PTPRK: variants seen among roughly 807,000 people sequenced by gnomAD.
PTPRK encodes the protein receptor-type tyrosine-protein phosphatase kappa.
In PTPRK, 75 loss-of-function variants were observed where a neutral mutation model predicts 178.0. The observed-to-expected ratio is 0.42, with a 90% CI of 0.35 to 0.51. The LOEUF is 0.51. PTPRK is among the 20% of genes least tolerant of loss of function. The pLI is 0.02. For missense variants in PTPRK, 1,441 were observed against 1,797.8 expected (o/e 0.80, Z 3.59); for synonymous variants, 637 against 620.6 (o/e 1.03, Z -0.39).
chr6:128,114,274 A>G (rs542925139), intron 7 of PTPRK, among the ~76,000 whole-genome samples: 10 of 152,202 alleles, frequency 6.6e-5, no homozygotes, highest in African/African-American at 2.4e-4. Flanking sequence ...CATGTATTAC[A>G]TGACGGCAGG....
intron 3 of PTPRK, among the ~76,000 whole-genome samples, chr6:128,274,982 A>C (rs1820486778): frequency 6.6e-6 from 1 of 152,044 alleles, no homozygotes; most frequent in African/African-American, 2.4e-5. Context: ...TAGGATAAGC[A>C]AGTTATGCTC....
intron 6 of PTPRK, among the ~76,000 whole-genome samples, chr6:128,212,051 G>A (rs1186196126): frequency 6.6e-6 from 1 of 151,920 alleles, no homozygotes; most frequent in Non-Finnish European, 1.5e-5. Context: ...CAATGAAATA[G>A]TTGCTATTTC....
At chr6:128,271,177 T>C (rs1026130466) in intron 3 of PTPRK, among the ~76,000 whole-genome samples, 1 of 152,008 alleles carries the variant, frequency 6.6e-6, no homozygotes, top group African/African-American at 2.4e-5. Flanking sequence ...CTCAAAAAAG[T>C]CTTCTGTAGT....
intron 1 of PTPRK, among the ~76,000 whole-genome samples, chr6:128,412,657 G>A (rs1842434600): frequency 1.3e-5 from 2 of 152,172 alleles, no homozygotes; most frequent in Non-Finnish European, 2.9e-5. Context: ...AAAGATCTCT[G>A]CAGAAAGAAG....
chr6:128,490,852 C>T (rs1562628309), intron 1 of PTPRK, among the ~76,000 whole-genome samples: 1 of 152,170 alleles, frequency 6.6e-6, no homozygotes, highest in Non-Finnish European at 1.5e-5. Flanking sequence ...TGGATAGCCA[C>T]CTTCTGGTCT....
chr6:128,418,674 C>A (rs1005585507), intron 1 of PTPRK, among the ~76,000 whole-genome samples: 1 of 152,126 alleles, frequency 6.6e-6, no homozygotes, highest in African/African-American at 2.4e-5. Flanking sequence ...TGTCCTAAAG[C>A]ATCTACCATA....
chr6:128,385,240 CA>C (rs1251170604), intron 2 of PTPRK, among the ~76,000 whole-genome samples: 1 of 151,894 alleles, frequency 6.6e-6, no homozygotes, highest in African/African-American at 2.4e-5. Context: ...ATAAAAATTT[CA>C]AGAGGTCTTT....
intron 4 of PTPRK, among the ~76,000 whole-genome samples, chr6:128,241,937 A>G (rs957049878): frequency 6.9e-6 from 1 of 145,804 alleles, no homozygotes; most frequent in Non-Finnish European, 1.5e-5. Flanking sequence ...GTGCACCACC[A>G]CGCCTGGCTA....
At chr6:128,268,342 G>C (rs1819275382) in intron 3 of PTPRK, among the ~76,000 whole-genome samples, 1 of 151,900 alleles carries the variant, frequency 6.6e-6, no homozygotes, top group Admixed American at 6.6e-5. Context: ...ACTCACATTT[G>C]TCACTAAACT....
chr6:128,435,704 T>A (rs919916603), intron 1 of PTPRK, among the ~76,000 whole-genome samples: 1 of 152,122 alleles, frequency 6.6e-6, no homozygotes, highest in Non-Finnish European at 1.5e-5. Context: ...AAGGGACGAA[T>A]CACAAAGAGA....
At chr6:128,233,952 G>A (rs1421592559) in intron 5 of PTPRK, among the ~76,000 whole-genome samples, 1 of 152,136 alleles carries the variant, frequency 6.6e-6, no homozygotes, top group Non-Finnish European at 1.5e-5. Context: ...TAGTATTTTA[G>A]TTTCTACACC....
intron 13 of PTPRK, among the ~76,000 whole-genome samples, chr6:128,036,385 T>G (rs1776217016): frequency 6.6e-6 from 1 of 152,166 alleles, no homozygotes; most frequent in South Asian, 2.1e-4. Flanking sequence ...AGTAACTTTG[T>G]AGGTAAGAAA....
At chr6:128,114,253 A>G (rs1791127704) in intron 7 of PTPRK, among the ~76,000 whole-genome samples, 1 of 152,030 alleles carries the variant, frequency 6.6e-6, no homozygotes, top group Non-Finnish European at 1.5e-5. Context: ...GAAGGTGAAG[A>G]GGAGGCAAGG....
intron 1 of PTPRK, among the ~76,000 whole-genome samples, chr6:128,471,931 G>A (rs1472344508): frequency 1.4e-4 from 22 of 151,776 alleles, no homozygotes; most frequent in Admixed American, 1.3e-4. Context: ...GCTTATGAGC[G>A]GGCAATAAAA....
At position 128,017,802 on chromosome 6, in the gene PTPRK, G is replaced by GTGTATA. The variant is rs1287001811; in HGVS notation, c.2195-8535_2195-8534insTATACA. On this transcript the variant is annotated intron_variant, in intron 13 of 29. Transcript: ENST00000368226. Reference sequence around the variant, plus strand: ...TACATATATAAATAAATATATATGTGTATATATATATATATATATATATAT... The same window carrying GTGTATA: ...TACATATATAAATAAATATATATGTGTGTATATATATATATATATATATATATATAT... 8.3e-3 allele frequency among the ~76,000 whole-genome samples: 840 copies of GTGTATA among 101,234 alleles called. 5 individuals are homozygous for GTGTATA. Among genetic ancestry groups the GTGTATA allele is most frequent in the South Asian group, 0.013 (36 of 2,734 alleles). 66.4% of individuals were successfully genotyped at this position (101,234 alleles called of 152,430 possible). A position where few individuals can be genotyped will look rare whatever the true frequency, so the allele number is the denominator to read the frequency against.
At chr6:128,035,805 A>T (rs1776113487) in intron 13 of PTPRK, among the ~76,000 whole-genome samples, 1 of 152,022 alleles carries the variant, frequency 6.6e-6, no homozygotes, top group Admixed American at 6.6e-5. Context: ...AAGACTCTAT[A>T]ATATTTAGTG....
At chr6:128,337,953 A>C (rs1255757781) in intron 2 of PTPRK, among the ~76,000 whole-genome samples, 1 of 152,214 alleles carries the variant, frequency 6.6e-6, no homozygotes, top group African/African-American at 2.4e-5. Context: ...AAGAGACTGA[A>C]AGTTTGGCTG....
At chr6:128,184,832 C>T (rs890576168) in intron 6 of PTPRK, 107 bp from the exon 7 acceptor site, 8 of 1,091,316 alleles carry the variant, frequency 7.3e-6, no homozygotes, top group Non-Finnish European at 8.9e-6. Flanking sequence ...ATTAGAAATG[C>T]ATAATAAATA....
At chr6:127,996,247 TCTTGAATATGTTTGATGG>T (rs1777139003) in intron 17 of PTPRK, among the ~76,000 whole-genome samples, 1 of 152,096 alleles carries the variant, frequency 6.6e-6, no homozygotes, top group African/African-American at 2.4e-5. Flanking sequence ...AACACCCCAA[TCTTGAATATGTTTGATGG>T]AAGTGTTAAA....
Sources: gnomAD v4.1 joint callset for allele counts (sites outside exome capture counted in the v4.1 genomes callset) on GRCh38, gnomAD v4.1.1 for gene constraint, MANE v1.5 for transcripts, NCBI Gene and HGNC (gene_info 2026-07-23, HGNC 2026-07-21) for gene names.